Variants in INPP4B observed in about 807,000 individuals in gnomAD.
INPP4B encodes the protein inositol polyphosphate-4-phosphatase type II B, also known as inositol polyphosphate 4-phosphatase type II.
A neutral mutation model predicts 122.5 loss-of-function variants in INPP4B; 55 were observed. The observed-to-expected ratio is 0.45, with a 90% CI of 0.36 to 0.56. The LOEUF is 0.56. INPP4B is among the 20% of genes least tolerant of loss of function. The pLI, the probability that INPP4B is intolerant of heterozygous loss-of-function variation, is 0.00. For synonymous variants in INPP4B, 403 were observed against 388.7 expected, an observed-to-expected ratio of 1.04 and a Z score of -0.43; for missense variants, 1,000 against 1,097.7, an observed-to-expected ratio of 0.91 and a Z score of 1.26.
intron 12 of INPP4B, 69 bp downstream of exon 12, chr4:142,237,795 T>C: frequency 1.1e-6 from 1 of 884,578 alleles, no homozygotes; most frequent in African/African-American, 1.7e-5. Flanking sequence ...TTATATATAA[T>C]TTGTCAATTA....
intron 25 of INPP4B, among the ~76,000 whole-genome samples, chr4:142,079,690 A>G (rs932803764): frequency 2.0e-5 from 3 of 152,034 alleles, no homozygotes; most frequent in Non-Finnish European, 2.9e-5. Context: ...TAAAAAACCT[A>G]TTCAGGGATT....
intron 16 of INPP4B, among the ~76,000 whole-genome samples, chr4:142,161,565 C>T (rs1022477617): frequency 6.6e-6 from 1 of 151,824 alleles, no homozygotes; most frequent in Non-Finnish European, 1.5e-5. Flanking sequence ...GCTGGCTTCA[C>T]CATTGATATA....
intron 2 of INPP4B, among the ~76,000 whole-genome samples, chr4:142,480,585 C>T (rs921705673): frequency 2.0e-5 from 3 of 152,166 alleles, no homozygotes. Context: ...CCATCTCCAC[C>T]GTAGTCCACT....
chr4:142,391,955 A>G (rs936926338), intron 7 of INPP4B, among the ~76,000 whole-genome samples: 1 of 152,220 alleles, frequency 6.6e-6, no homozygotes, highest in African/African-American at 2.4e-5. Flanking sequence ...CTGATGTTAT[A>G]AAAGTAAATT....
At chr4:142,770,350 T>C (rs1459780020) in intron 1 of INPP4B, among the ~76,000 whole-genome samples, 1 of 152,180 alleles carries the variant, frequency 6.6e-6, no homozygotes, top group African/African-American at 2.4e-5. Flanking sequence ...TTAATCATGT[T>C]AATATAAGTA....
chr4:142,246,996 T>G (rs969264028), intron 11 of INPP4B, among the ~76,000 whole-genome samples: 2 of 152,204 alleles, frequency 1.3e-5, no homozygotes, highest in Non-Finnish European at 2.9e-5. Flanking sequence ...ATTGAGAGTT[T>G]TTAGCATGAA....
chr4:142,036,099 T>C (rs1743755860), intron 25 of INPP4B, among the ~76,000 whole-genome samples: 1 of 152,086 alleles, frequency 6.6e-6, no homozygotes, highest in African/African-American at 2.4e-5. Flanking sequence ...TGTTCCCATG[T>C]TTATGTCCGT....
intron 7 of INPP4B, among the ~76,000 whole-genome samples, chr4:142,359,389 A>G (rs141511503): frequency 6.6e-6 from 1 of 151,974 alleles, no homozygotes. Context: ...TGTTGTTGTC[A>G]CAAAGATTAA....
chr4:142,215,339 A>T (rs965562597), intron 12 of INPP4B, among the ~76,000 whole-genome samples: 1 of 152,194 alleles, frequency 6.6e-6, no homozygotes, highest in Non-Finnish European at 1.5e-5. Flanking sequence ...AAACAAACAG[A>T]GTGTACTTAA....
Position 142,120,812 on chromosome 4 carries a change from T to C in INPP4B, c.2135+1316A>G, listed in dbSNP as rs550990323. Among the ~76,000 whole-genome samples, 16 of 152,240 alleles carry C rather than the reference T, an allele frequency of 1.1e-4. No individual in the cohort carries two copies. The South Asian group carries it at 3.1e-3, about 30-fold the overall frequency. The stretch of plus-strand genomic sequence containing the variant: ...TGTTCACTAGTTTCTCACAAATAAG[T>C]ACTTCTGAATTTGTGGTGTGCATCC... On this transcript the variant is annotated intron_variant, in intron 21 of 25. Coordinates refer to ENST00000262992, the MANE Select transcript of INPP4B (RefSeq NM_001101669.3).
intron 2 of INPP4B, among the ~76,000 whole-genome samples, chr4:142,643,096 T>C (rs1308881095): frequency 6.6e-6 from 1 of 152,214 alleles, no homozygotes; most frequent in Non-Finnish European, 1.5e-5. Flanking sequence ...TAAGAATGCT[T>C]GTGATTTTTG....
chr4:142,704,385 T>C (rs1011271042), intron 2 of INPP4B, among the ~76,000 whole-genome samples: 1 of 152,166 alleles, frequency 6.6e-6, no homozygotes, highest in Non-Finnish European at 1.5e-5. Context: ...GACATATGAA[T>C]TACATATAAT....
intron 2 of INPP4B, among the ~76,000 whole-genome samples, chr4:142,535,564 C>T (rs760594467): frequency 2.0e-5 from 3 of 152,166 alleles, no homozygotes; most frequent in Admixed American, 6.6e-5. Context: ...TGAGCTATAG[C>T]GAATCTCTCA....
intron 1 of INPP4B, among the ~76,000 whole-genome samples, chr4:142,745,024 T>C (rs2150930227): frequency 6.6e-6 from 1 of 151,708 alleles, no homozygotes; most frequent in South Asian, 2.1e-4. Flanking sequence ...ATTTGGGAAA[T>C]GGGAAGTAGA....
intron 25 of INPP4B, among the ~76,000 whole-genome samples, chr4:142,069,781 C>G (rs575818986): frequency 2.8e-4 from 43 of 151,960 alleles, no homozygotes; most frequent in Non-Finnish European, 4.9e-4. Context: ...AAGACTAAAC[C>G]AGGAAGAAGT....
intron 7 of INPP4B, among the ~76,000 whole-genome samples, chr4:142,354,029 G>A (rs368093827): frequency 7.2e-5 from 11 of 151,950 alleles, no homozygotes; most frequent in East Asian, 1.9e-4. Flanking sequence ...ACATAATGCC[G>A]TTCAAGGTCA....
intron 2 of INPP4B, among the ~76,000 whole-genome samples, chr4:142,484,552 CA>C (rs1293135672): frequency 6.6e-6 from 1 of 151,944 alleles, no homozygotes; most frequent in South Asian, 2.1e-4. Flanking sequence ...GCAATTTAAA[CA>C]ATAGCTGATA....
intron 15 of INPP4B, among the ~76,000 whole-genome samples, chr4:142,176,817 A>G (rs1405185940): frequency 6.6e-6 from 1 of 152,158 alleles, no homozygotes; most frequent in African/African-American, 2.4e-5. Flanking sequence ...CATTGTTTTG[A>G]CTGAGATCCC....
intron 2 of INPP4B, among the ~76,000 whole-genome samples, chr4:142,528,602 G>A (rs1238750927): frequency 6.6e-6 from 1 of 152,004 alleles, no homozygotes; most frequent in Non-Finnish European, 1.5e-5. Context: ...TATTCTATTT[G>A]TTAGCAGCAA....
Sources: allele counts gnomAD v4.1 joint callset (sites outside exome capture counted in the v4.1 genomes callset), GRCh38; gene constraint gnomAD v4.1.1; transcripts MANE v1.5; gene names NCBI Gene and HGNC (gene_info 2026-07-23, HGNC 2026-07-21).